The following ADARB2 variants were observed in gnomAD, a reference collection of about 807,000 sequenced individuals.
The protein encoded by ADARB2 is adenosine deaminase RNA specific B2 (inactive).
Under a neutral mutation model 62.2 loss-of-function variants are expected in ADARB2, and 25 were observed. The ratio of observed to expected loss-of-function variants is 0.40; its 90% confidence interval spans 0.29 to 0.56. The LOEUF (loss-of-function observed/expected upper bound fraction) is 0.56, where lower values mean the gene tolerates loss of function less well. Among genes scored for constraint, ADARB2 ranks in the 20% least tolerant of loss-of-function variants. The pLI is 0.43. For synonymous variants in ADARB2, 572 were observed against 500.8 expected (o/e 1.14, Z -1.90); for missense variants, 1,071 against 1,077.4 (o/e 0.99, Z 0.08).
At chr10:1,548,294 G>T (rs1324309170) in intron 1 of ADARB2, among the ~76,000 whole-genome samples, 1 of 152,170 alleles carries the variant, frequency 6.6e-6, no homozygotes, top group Non-Finnish European at 1.5e-5. Context: ...GATTCTCCTT[G>T]TTGTCACCCA....
At chr10:1,563,466 T>C (rs1042339732) in intron 1 of ADARB2, among the ~76,000 whole-genome samples, 1 of 152,160 alleles carries the variant, frequency 6.6e-6, no homozygotes, top group Non-Finnish European at 1.5e-5. Context: ...AGCTTAATCA[T>C]CTTATCCTCC....
intron 1 of ADARB2, among the ~76,000 whole-genome samples, chr10:1,523,369 T>C (rs1383904346): frequency 6.6e-6 from 1 of 152,204 alleles, no homozygotes; most frequent in Non-Finnish European, 1.5e-5. Flanking sequence ...GATCAGGAAG[T>C]TGGAGGTGGC....
intron 4 of ADARB2, among the ~76,000 whole-genome samples, chr10:1,251,895 T>G (rs370225432): frequency 1.3e-5 from 2 of 152,230 alleles, no homozygotes; most frequent in African/African-American, 4.8e-5. Context: ...GGCACCATCC[T>G]GGAGGCAGAG....
At chr10:1,256,474 TGGTTACTGAGACAATAAAAAGG>T (rs1376253241) in intron 4 of ADARB2, among the ~76,000 whole-genome samples, 7 of 152,192 alleles carry the variant, frequency 4.6e-5, no homozygotes, top group Non-Finnish European at 1.0e-4. Context: ...GGGCCACTGT[TGGTTACTGAGACAATAAAAAGG>T]TGCGTGTTTG....
chr10:1,374,808 C>T (rs1006431957), intron 2 of ADARB2, among the ~76,000 whole-genome samples: 3 of 152,244 alleles, frequency 2.0e-5, no homozygotes, highest in African/African-American at 7.2e-5. Context: ...TCAGGCAGCG[C>T]GCCACGCTAC....
intron 7 of ADARB2, among the ~76,000 whole-genome samples, chr10:1,214,972 AC>A (rs1837213709): frequency 6.6e-6 from 1 of 152,108 alleles, no homozygotes; most frequent in Admixed American, 6.5e-5. Context: ...AGAAGGTGGA[AC>A]CATTGTTGTT....
chr10:1,278,434 C>A (rs772991600), intron 3 of ADARB2, among the ~76,000 whole-genome samples: 2 of 151,790 alleles, frequency 1.3e-5, no homozygotes, highest in Non-Finnish European at 2.9e-5. Flanking sequence ...TCCCTCCCCA[C>A]CAGTATTCCC....
intron 3 of ADARB2, chr10:1,292,385 G>A (rs1831474405): frequency 6.6e-6 from 1 of 152,228 alleles, no homozygotes; most frequent in African/African-American, 2.4e-5. Context: ...TCACTCTACT[G>A]TGAAGCCTTT....
rs898427565 is a variant in ADARB2, at chr10:1,398,321, C to A, written c.101-19161G>T. Among the ~76,000 whole-genome samples the A allele has an allele frequency of 6.6e-6, 1 of 152,218 alleles. No individual in the cohort carries two copies. Among genetic ancestry groups the A allele is most frequent in the Admixed American group, 6.5e-5 (1 of 15,294 alleles). ...CTGCTTCCTGCAATTGTGTCCAGGG[C>A]GCAGGAAGCTGCCCAGCACAGGCAG... is the stretch of plus-strand genomic sequence containing the variant. On this transcript the variant is annotated intron_variant, in intron 1 of 9. Coordinates refer to ENST00000381312, the MANE Select transcript of ADARB2 (RefSeq NM_018702.4). This position sits in a 1 kb window ranked among gnomAD's most constrained non-coding sequence, Gnocchi z 4.1.
At chr10:1,522,781 C>T (rs1832088914) in intron 1 of ADARB2, among the ~76,000 whole-genome samples, 1 of 152,198 alleles carries the variant, frequency 6.6e-6, no homozygotes, top group South Asian at 2.1e-4. Flanking sequence ...TGCACTTCTA[C>T]TTCTCAGAAT....
intron 1 of ADARB2, chr10:1,535,768 A>C (rs760725159): frequency 6.0e-6 from 1 of 167,034 alleles, no homozygotes; most frequent in Non-Finnish European, 1.5e-5. Context: ...CCTCCTAACC[A>C]GCTGTGACTT....
intron 2 of ADARB2, among the ~76,000 whole-genome samples, chr10:1,377,601 G>C (rs1832445662): frequency 6.6e-6 from 1 of 151,972 alleles, no homozygotes; most frequent in African/African-American, 2.4e-5. Context: ...CAGAAGTAGT[G>C]ATCAATAAAT....
chr10:1,567,223 T>C (rs1174095397), intron 1 of ADARB2, among the ~76,000 whole-genome samples: 1 of 151,992 alleles, frequency 6.6e-6, no homozygotes, highest in Non-Finnish European at 1.5e-5. Context: ...TGCCTGTGCA[T>C]TTGGAAGATT....
intron 1 of ADARB2, among the ~76,000 whole-genome samples, chr10:1,689,140 G>C (rs1163101936): frequency 6.6e-6 from 1 of 152,214 alleles, no homozygotes. Context: ...CTGGCTGCCA[G>C]GAGATGAAGG....
rs185147330 is a variant in ADARB2, at chr10:1,662,784, C to T, written c.100+74267G>A. Among the ~76,000 whole-genome samples the T allele has an allele frequency of 9.8e-3, 1,495 of 152,298 alleles. 14 individuals are homozygous for T. The highest frequency in any genetic ancestry group is 0.015 in the Non-Finnish European group (1,028 of 68,022). On this transcript the variant is annotated intron_variant, in intron 1 of 9. Transcript: ENST00000381312. The stretch of plus-strand genomic sequence containing the variant: ...GCTCCTGCTGTGACCACGCCGGGTG[C>T]CCAGGGTGCTGGGCAGGAAGTTGGG...
At chr10:1,604,341 C>T (rs1156819470) in intron 1 of ADARB2, among the ~76,000 whole-genome samples, 1 of 152,132 alleles carries the variant, frequency 6.6e-6, no homozygotes, top group East Asian at 1.9e-4. Flanking sequence ...TATTTGATGT[C>T]GACCCGACGT....
chr10:1,231,399 A>G (rs1830802729), intron 6 of ADARB2, among the ~76,000 whole-genome samples: 1 of 152,226 alleles, frequency 6.6e-6, no homozygotes. Context: ...GTGAGCTGGT[A>G]TCATGTAGCT....
intron 1 of ADARB2, among the ~76,000 whole-genome samples, chr10:1,452,983 G>C (rs1225460605): frequency 6.6e-6 from 1 of 152,170 alleles, no homozygotes; most frequent in Non-Finnish European, 1.5e-5. Flanking sequence ...GTGGGGTTGG[G>C]CCGGGCCTGA....
rs995863458 is a variant in ADARB2, at chr10:1,426,810, T to C, written c.101-47650A>G. On this transcript the variant is annotated intron_variant, in intron 1 of 9. Transcript: ENST00000381312. This position sits in a 1 kb window ranked among gnomAD's most constrained non-coding sequence, Gnocchi z 4.1. ...TTACTCCACCACTGCATCCCTTCTA[T>C]ACCCTGCTTCTCCCTTCAGACAAGG... 4.6e-5 allele frequency among the ~76,000 whole-genome samples: 7 copies of C among 152,218 alleles called. No homozygotes were observed. The highest frequency in any genetic ancestry group is 4.6e-4 in the Admixed American group (7 of 15,284).
Sources: gnomAD v4.1 joint callset for allele counts (sites outside exome capture counted in the v4.1 genomes callset) on GRCh38, gnomAD v4.1.1 for gene constraint, Gnocchi (gnomAD v3.1) non-coding constraint, MANE v1.5 for transcripts, NCBI Gene and HGNC (gene_info 2026-07-23, HGNC 2026-07-21) for gene names.